Variants in SYNE2 observed in about 807,000 individuals in gnomAD.
SYNE2 encodes the protein spectrin repeat containing nuclear envelope protein 2.
SYNE2 carries 431 observed loss-of-function variants against 856.3 expected under a neutral mutation model. That is an observed-to-expected ratio of 0.50 (90% confidence interval 0.47 to 0.55). The LOEUF (loss-of-function observed/expected upper bound fraction) is 0.55. Among genes scored for constraint, SYNE2 ranks in the 20% least tolerant of loss-of-function variants. SYNE2 has a pLI of 0.00. For missense variants in SYNE2, 8,129 were observed against 8,023.2 expected, an observed-to-expected ratio of 1.01 and a Z score of -0.50; for synonymous variants, 2,923 against 2,872.3, an observed-to-expected ratio of 1.02 and a Z score of -0.56.
intron 76 of SYNE2, among the ~76,000 whole-genome samples, chr14:64,131,693 C>T (rs1038033665): frequency 1.3e-5 from 2 of 152,122 alleles, no homozygotes; most frequent in African/African-American, 2.4e-5. Context: ...ACAATCCTCT[C>T]ACTTCAGCCT....
intron 1 of SYNE2, among the ~76,000 whole-genome samples, chr14:63,887,406 T>G (rs2095018737): frequency 6.6e-6 from 1 of 152,226 alleles, no homozygotes; most frequent in South Asian, 2.1e-4. Flanking sequence ...TCAGAGAACA[T>G]CACTTAACTT....
intron 39 of SYNE2, 96 bp downstream of exon 39, chr14:64,024,555 A>G: frequency 8.3e-7 from 1 of 1,211,464 alleles, no homozygotes; most frequent in Non-Finnish European, 1.2e-6. Context: ...TACGCAGTAC[A>G]CACAAATTTC....
At chr14:63,946,629 T>C (rs2096034248) in intron 6 of SYNE2, among the ~76,000 whole-genome samples, 1 of 144,024 alleles carries the variant, frequency 6.9e-6, no homozygotes, top group African/African-American at 2.6e-5. Flanking sequence ...CCAGTATATA[T>C]TATATACTGT....
rs574915091 is a variant in SYNE2 at position 64,025,261 on chromosome 14, A to C, written c.6092A>C (p.Glu2031Ala). The change falls in exon 41 of 116, where the codon GAA (glutamate) becomes GCA (alanine). Residue 2031 changes from glutamate (E) to alanine (A), a missense_variant. Transcript: ENST00000555002. The stretch of plus-strand genomic sequence containing the variant: ...CAGACATTACTGAGACAACTAAGTG[A>C]AATCGAGGAAGAGGATAAGTTACTA... Reference protein sequence around the residue: ...RYQTLLRQLSEIEEEDKLLPT... With the variant: ...RYQTLLRQLSAIEEEDKLLPT... 1 of 1,614,142 alleles carries C rather than the reference A, an allele frequency of 6.2e-7. No homozygotes were observed. The highest frequency in any genetic ancestry group is 1.1e-5 in the South Asian group (1 of 91,080).
At chr14:63,817,225 C>T (rs1343868349) in intron 1 of SYNE2, among the ~76,000 whole-genome samples, 3 of 152,052 alleles carry the variant, frequency 2.0e-5, no homozygotes, top group East Asian at 3.9e-4. Flanking sequence ...TTTAGGAGTC[C>T]GAGGCAGGTG....
intron 108 of SYNE2, among the ~76,000 whole-genome samples, chr14:64,217,983 A>G (rs1012593279): frequency 1.3e-5 from 2 of 152,238 alleles, no homozygotes; most frequent in Admixed American, 6.5e-5. Context: ...AATGATGCCA[A>G]CCACCTCTAC....
At chr14:64,123,868 T>TCACACACA (rs34459065) in intron 70 of SYNE2, among the ~76,000 whole-genome samples, 3 of 148,172 alleles carry the variant, frequency 2.0e-5, no homozygotes, top group Admixed American at 1.3e-4. Context: ...ATTAATGATT[T>TCACACACA]CACACACACA....
Position 64,142,031 on chromosome 14 carries a change from C to T in SYNE2, c.15249C>T (p.Asp5083=), listed in dbSNP as rs1345792201. 1.2e-6 allele frequency: 2 copies of T among 1,614,110 alleles called. No individual in the cohort carries two copies. The highest frequency in any genetic ancestry group is 2.2e-5 in the South Asian group (2 of 91,070). ...NNVEHQTSDE[D]SVHSPSSASQ... is the part of the protein sequence containing the mutation. ...TGGAGCATCAAACTTCAGATGAAGA[C>T]TCCGTGCATTCACCAAGTTCTGCAT... Residue 5083 remains aspartate, a synonymous_variant, in exon 82 of 116, where the codon GAC becomes GAT. Coordinates refer to ENST00000555002, the MANE Select transcript of SYNE2 (RefSeq NM_182914.3).
At chr14:64,119,055 G>A (rs1476984536) in intron 66 of SYNE2, among the ~76,000 whole-genome samples, 2 of 152,154 alleles carry the variant, frequency 1.3e-5, no homozygotes, top group East Asian at 3.8e-4. Flanking sequence ...CTAAAGTAAG[G>A]TGCCTGTGTT....
chr14:63,810,893 G>A (rs953286158), intron 1 of SYNE2, among the ~76,000 whole-genome samples: 4 of 152,130 alleles, frequency 2.6e-5, no homozygotes, highest in African/African-American at 9.7e-5. Context: ...GGAGTGCAGT[G>A]GCACAATGTC....
intron 1 of SYNE2, among the ~76,000 whole-genome samples, chr14:63,813,938 G>C (rs1023403501): frequency 6.6e-6 from 1 of 151,964 alleles, no homozygotes; most frequent in Non-Finnish European, 1.5e-5. Context: ...ACCTGTAGTA[G>C]TCCCAGCTAC....
chr14:64,197,181 T>A (rs761839137), intron 99 of SYNE2: 16 of 152,360 alleles, frequency 1.1e-4, no homozygotes, highest in Non-Finnish European at 2.1e-4. Flanking sequence ...GCTCTCTGGC[T>A]GTGTCGCTTT....
At chr14:63,912,006 G>T (rs1308705020) in intron 2 of SYNE2, among the ~76,000 whole-genome samples, 1 of 152,084 alleles carries the variant, frequency 6.6e-6, no homozygotes, top group African/African-American at 2.4e-5. Flanking sequence ...GTATTTAGAG[G>T]AATCGTGGTG....
intron 22 of SYNE2, 136 bp downstream of exon 22, chr14:63,994,105 A>G (rs923936053): frequency 1.2e-6 from 1 of 864,488 alleles, no homozygotes. Context: ...CTGAAGTCCC[A>G]GGGTTCATAC....
At chr14:63,890,497 G>A (rs192449020) in intron 1 of SYNE2, among the ~76,000 whole-genome samples, 2 of 152,246 alleles carry the variant, frequency 1.3e-5, no homozygotes, top group Admixed American at 1.3e-4. Context: ...GGGAAATGGG[G>A]TTCTGATTTC....
intron 10 of SYNE2, among the ~76,000 whole-genome samples, chr14:63,967,424 G>A (rs142415498): frequency 6.6e-6 from 1 of 152,228 alleles, no homozygotes; most frequent in East Asian, 1.9e-4. Flanking sequence ...TTTCCATGTA[G>A]CATCATGATC....
intron 85 of SYNE2, 62 bp from the exon 86 acceptor site, chr14:64,158,563 C>A (rs568471475): frequency 6.4e-7 from 1 of 1,557,694 alleles, no homozygotes; most frequent in Admixed American, 1.7e-5. Context: ...AATGGTAGAT[C>A]TGTTGGAGAG....
chr14:64,221,619 G>A lies in SYNE2; in HGVS notation c.20105G>A (p.Ser6702Asn). ...CAAAATCTGCTGCTGTGGTTAGCGAGTGCCAAGAACCGGAGGCAGAAGGCT... is the reference window on the plus strand; with the variant it reads ...CAAAATCTGCTGCTGTGGTTAGCGAATGCCAAGAACCGGAGGCAGAAGGCT... Reference protein sequence around the residue: ...LSQNLLLWLASAKNRRQKAHV... With the variant: ...LSQNLLLWLANAKNRRQKAHV... The change falls in exon 112 of 116, where the codon AGT (serine) becomes AAT (asparagine). Residue 6702 changes from serine to asparagine, a missense_variant. Ser to Asn is a conservative substitution (Grantham distance 46). This residue lies in a region of SYNE2 where 5,410 missense variants were observed against 5,284.8 expected (regional missense o/e 1.02). Coordinates refer to ENST00000555002, the MANE Select transcript of SYNE2 (RefSeq NM_182914.3). 6.2e-7 allele frequency: 1 copy of A among 1,614,160 alleles called. No individual in the cohort carries two copies. Among genetic ancestry groups the A allele is most frequent in the Non-Finnish European group, 8.5e-7 (1 of 1,180,034 alleles).
At position 64,025,425 on chromosome 14, in the gene SYNE2, T is replaced by A; in HGVS notation, c.6252+4T>A. 6.2e-7 allele frequency: 1 copy of A among 1,610,476 alleles called. No individual in the cohort carries two copies. Among genetic ancestry groups the A allele is most frequent in the East Asian group, 2.2e-5 (1 of 44,836 alleles). On this transcript the variant is annotated splice_donor_region_variant and intron_variant, in intron 41 of 115. Transcript: ENST00000555002. ...GGAAAGAATCCAAAAAATCAAGGTA[T>A]AACTATGGAAACTAAATTTCAGAAG...
Sources: allele counts gnomAD v4.1 joint callset (sites outside exome capture counted in the v4.1 genomes callset), GRCh38; gene constraint gnomAD v4.1.1; regional missense constraint gnomAD v4.1.1; transcripts MANE v1.5; gene names NCBI Gene and HGNC (gene_info 2026-07-23, HGNC 2026-07-21).